SLC6A11: variants seen among roughly 807,000 people sequenced by gnomAD.
SLC6A11 encodes solute carrier family 6 member 11, also known as sodium- and chloride-dependent GABA transporter 3.
In SLC6A11, 25 loss-of-function variants were observed where a neutral mutation model predicts 74.8. That is an observed-to-expected ratio of 0.33 (90% confidence interval 0.24 to 0.47). The LOEUF is 0.47. Ranked by LOEUF, SLC6A11 falls within the 20% of genes least tolerant of loss-of-function variation. The probability of loss-of-function intolerance (pLI) is 1.00; values close to 1 mark genes in which losing one functional copy is unlikely to be tolerated. For missense variants in SLC6A11, 574 were observed against 837.0 expected (o/e 0.69, Z 3.88); for synonymous variants, 330 against 330.2 (o/e 1.00, Z 0.01).
intron 6 of SLC6A11, among the ~76,000 whole-genome samples, chr3:10,907,923 T>TG (rs1463291913): frequency 3.3e-5 from 5 of 152,200 alleles, no homozygotes; most frequent in African/African-American, 1.2e-4. Flanking sequence ...ACATAAGGGC[T>TG]GGGGGTGATT....
At chr3:10,849,328 G>A (rs964501747) in intron 5 of SLC6A11, among the ~76,000 whole-genome samples, 6 of 152,182 alleles carry the variant, frequency 3.9e-5, no homozygotes, top group Non-Finnish European at 5.9e-5. Context: ...TGACCAGAAA[G>A]TAGAGACGTC....
chr3:10,842,118 G>A (rs1198565173), intron 4 of SLC6A11, among the ~76,000 whole-genome samples: 1 of 152,194 alleles, frequency 6.6e-6, no homozygotes, highest in Non-Finnish European at 1.5e-5. Flanking sequence ...AATTCCTGCA[G>A]CATTTTGGGA....
intron 4 of SLC6A11, among the ~76,000 whole-genome samples, chr3:10,841,904 C>T (rs1311478441): frequency 6.6e-6 from 1 of 152,208 alleles, no homozygotes. Flanking sequence ...CCTCCAGTGA[C>T]AAGCTAAGCA....
intron 5 of SLC6A11, among the ~76,000 whole-genome samples, chr3:10,869,634 C>T (rs1490426334): frequency 2.6e-5 from 4 of 152,234 alleles, no homozygotes; most frequent in Admixed American, 2.0e-4. Flanking sequence ...TGGAGACTGG[C>T]CAAGTCACAC....
intron 5 of SLC6A11, among the ~76,000 whole-genome samples, chr3:10,849,030 A>G (rs1219411617): frequency 1.3e-5 from 2 of 152,160 alleles, no homozygotes; most frequent in Non-Finnish European, 2.9e-5. Flanking sequence ...TGCATTGATC[A>G]TAGTTCTGAG....
chr3:10,938,495 C>T lies in SLC6A11; in HGVS notation c.*93C>T. The T allele has an allele frequency of 1.5e-6, 2 of 1,358,910 alleles. No individual in the cohort carries two copies. The highest frequency in any genetic ancestry group is 2.0e-6 in the Non-Finnish European group (2 of 998,146). 84.2% of individuals were successfully genotyped at this position (1,358,910 alleles called of 1,614,324 possible). The stretch of plus-strand genomic sequence containing the variant: ...CCCATACTTCACCTAATGGTAGGGG[C>T]TTGCTTGTTTTGCACAGGATTAATT... On this transcript the variant is annotated 3_prime_UTR_variant, in exon 14 of 14. Transcript: ENST00000254488.
chr3:10,822,330 A>C (rs990840829), intron 3 of SLC6A11, among the ~76,000 whole-genome samples: 12 of 152,188 alleles, frequency 7.9e-5, no homozygotes, highest in South Asian at 6.2e-4. Flanking sequence ...CTGGTGCCCC[A>C]GGTGTCTCTA....
intron 5 of SLC6A11, among the ~76,000 whole-genome samples, chr3:10,860,742 A>C (rs985443815): frequency 6.6e-6 from 1 of 152,146 alleles, no homozygotes; most frequent in Non-Finnish European, 1.5e-5. Flanking sequence ...GAAGAGGGGG[A>C]AGCAGGGAGG....
chr3:10,911,925 T>C (rs182561071), intron 6 of SLC6A11, among the ~76,000 whole-genome samples, 165 bp from the exon 7 acceptor site: 5 of 152,304 alleles, frequency 3.3e-5, no homozygotes, highest in Non-Finnish European at 5.9e-5. Flanking sequence ...TCCCCAAGAA[T>C]AGAACTCTTT....
chr3:10,917,903 C>A (rs1416825920), intron 7 of SLC6A11, among the ~76,000 whole-genome samples: 1 of 152,196 alleles, frequency 6.6e-6, no homozygotes, highest in Non-Finnish European at 1.5e-5. Flanking sequence ...CATGGTTTCT[C>A]CCCTGGCTGA....
At chr3:10,920,392 C>A (rs1255373965) in intron 8 of SLC6A11, among the ~76,000 whole-genome samples, 2 of 152,160 alleles carry the variant, frequency 1.3e-5, no homozygotes, top group African/African-American at 2.4e-5. Context: ...GCGTGGTGAT[C>A]AAAACTGGAT....
At chr3:10,840,231 A>G (rs983560768) in intron 4 of SLC6A11, among the ~76,000 whole-genome samples, 5 of 152,076 alleles carry the variant, frequency 3.3e-5, no homozygotes, top group Non-Finnish European at 5.9e-5. Flanking sequence ...GCACTCACCT[A>G]GCCCACCATG....
intron 1 of SLC6A11, among the ~76,000 whole-genome samples, chr3:10,818,271 G>A (rs1027226336): frequency 3.3e-5 from 5 of 152,058 alleles, no homozygotes; most frequent in Non-Finnish European, 7.4e-5. Context: ...GATTCTAGAG[G>A]TTTCACAGGT....
chr3:10,833,174 A>C (rs527667707), intron 4 of SLC6A11, among the ~76,000 whole-genome samples: 144 of 152,068 alleles, frequency 9.5e-4, no homozygotes, highest in African/African-American at 3.3e-3. Context: ...CAATTCTCCC[A>C]CCTCAACCTC....
At chr3:10,851,057 G>T (rs1258212088) in intron 5 of SLC6A11, among the ~76,000 whole-genome samples, 1 of 152,172 alleles carries the variant, frequency 6.6e-6, no homozygotes, top group African/African-American at 2.4e-5. Context: ...GCCCTCTGCA[G>T]ACAGCCACCC....
At chr3:10,898,436 C>A (rs943712187) in intron 6 of SLC6A11, among the ~76,000 whole-genome samples, 7 of 152,234 alleles carry the variant, frequency 4.6e-5, no homozygotes, top group Non-Finnish European at 7.3e-5. Context: ...CAAGTCACCT[C>A]TTGAATGCTT....
intron 6 of SLC6A11, among the ~76,000 whole-genome samples, chr3:10,907,752 A>G (rs1695324360): frequency 6.6e-6 from 1 of 152,242 alleles, no homozygotes; most frequent in Admixed American, 6.5e-5. Flanking sequence ...AAAGAGAGCC[A>G]AGGATTTTAT....
At position 10,816,623 on chromosome 3, in the gene SLC6A11, G is replaced by A. The variant is rs1489981840; in HGVS notation, c.256+102G>A. ...CCCCCTCCCGCGCCTGCGTGGAGCG[G>A]AACCCGAGCGGAGAACCTCGACTCC... On this transcript the variant is annotated intron_variant, in intron 1 of 13. Coordinates refer to ENST00000254488, the MANE Select transcript of SLC6A11 (RefSeq NM_014229.3). This position sits in a 1 kb window ranked among gnomAD's most constrained non-coding sequence, Gnocchi z 4.2. 4 of 1,253,372 alleles carry A rather than the reference G, an allele frequency of 3.2e-6. No individual in the cohort carries two copies. Among genetic ancestry groups the A allele is most frequent in the South Asian group, 3.5e-5 (2 of 57,280 alleles). 77.6% of individuals were successfully genotyped at this position (1,253,372 alleles called of 1,614,324 possible). A position where few individuals can be genotyped will look rare whatever the true frequency, so the allele number is the denominator to read the frequency against.
intron 5 of SLC6A11, among the ~76,000 whole-genome samples, chr3:10,854,482 A>G (rs1694614779): frequency 1.3e-5 from 2 of 152,334 alleles, no homozygotes; most frequent in East Asian, 3.9e-4. Context: ...TTGCCCTCTA[A>G]TCCTTAACAT....
Sources: gnomAD v4.1 joint callset for allele counts (sites outside exome capture counted in the v4.1 genomes callset) on GRCh38, gnomAD v4.1.1 for gene constraint, Gnocchi (gnomAD v3.1) non-coding constraint, MANE v1.5 for transcripts, NCBI Gene and HGNC (gene_info 2026-07-23, HGNC 2026-07-21) for gene names.